The following FHL2 variants were observed in gnomAD, a reference collection of about 807,000 sequenced individuals.
FHL2 encodes the protein four and a half LIM domains protein 2.
FHL2 carries 20 observed loss-of-function variants against 32.7 expected under a neutral mutation model. The ratio of observed to expected loss-of-function variants is 0.61; its 90% CI spans 0.43 to 0.89. The LOEUF (loss-of-function observed/expected upper bound fraction) is 0.89. Among genes scored for constraint, FHL2 ranks in the 40% least tolerant of loss-of-function variants. The probability of loss-of-function intolerance (pLI) is 0.00; values close to 1 mark genes in which losing one functional copy is unlikely to be tolerated. For synonymous variants in FHL2, 123 were observed against 128.1 expected (o/e 0.96, Z 0.27); for missense variants, 311 against 358.6 (o/e 0.87, Z 1.07).
upstream of FHL2, among the ~76,000 whole-genome samples, chr2:105,403,239 A>G (rs75828249): frequency 0.01 from 1,583 of 152,332 alleles, 27 homozygotes; most frequent in African/African-American, 0.036. Context: ...CCACCAGAAG[A>G]AGAATTAAGG....
intron 1 of FHL2, among the ~76,000 whole-genome samples, chr2:105,408,837 C>T (rs1157344866): frequency 3.3e-5 from 5 of 152,150 alleles, no homozygotes; most frequent in Non-Finnish European, 7.3e-5. Flanking sequence ...GGATCTTACT[C>T]TTAGAGTCTT....
At chr2:105,412,146 C>T (rs981775720) in intron 1 of FHL2, among the ~76,000 whole-genome samples, 1 of 152,216 alleles carries the variant, frequency 6.6e-6, no homozygotes, top group Non-Finnish European at 1.5e-5. Context: ...TTCATAGCAG[C>T]ATTATTCACA....
At chr2:105,391,790 C>G (rs893187996) in intron 2 of FHL2, among the ~76,000 whole-genome samples, 4 of 152,228 alleles carry the variant, frequency 2.6e-5, no homozygotes, top group Non-Finnish European at 5.9e-5. Context: ...TCCATTTACT[C>G]TCTGTGAACT....
chr2:105,386,990 C>G (rs1682371511), intron 2 of FHL2, among the ~76,000 whole-genome samples: 1 of 152,084 alleles, frequency 6.6e-6, no homozygotes. Flanking sequence ...GTCTCAAACT[C>G]CTGACCTCGG....
intron 2 of FHL2, among the ~76,000 whole-genome samples, chr2:105,390,965 TTGTGTGTGTGTGTA>T (rs1315515341): frequency 4.6e-5 from 7 of 151,146 alleles, no homozygotes; most frequent in Admixed American, 1.3e-4. Context: ...CTCAGCTAAT[TTGTGTGTGTGTGTA>T]TGTGTGTGTG....
chr2:105,361,497 G>A, intron 6 of FHL2, 63 bp from the exon 7 acceptor site: 1 of 1,472,800 alleles, frequency 6.8e-7, no homozygotes, highest in Non-Finnish European at 9.4e-7. Context: ...TGGGACTGAA[G>A]AAGGAATTCT....
intron 5 of FHL2, among the ~76,000 whole-genome samples, chr2:105,366,629 C>CG (rs1327541669): frequency 6.6e-6 from 1 of 152,212 alleles, no homozygotes; most frequent in Non-Finnish European, 1.5e-5. Flanking sequence ...GGGTGCAGGT[C>CG]GGGGGGCAAC....
intron 1 of FHL2, among the ~76,000 whole-genome samples, chr2:105,405,098 T>G (rs955823263): frequency 6.6e-6 from 1 of 152,234 alleles, no homozygotes; most frequent in Non-Finnish European, 1.5e-5. Context: ...TGGTTTCAGA[T>G]GAAAAGTATT....
chr2:105,422,720 C>T (rs921598827), intron 1 of FHL2, among the ~76,000 whole-genome samples: 3 of 150,276 alleles, frequency 2.0e-5, no homozygotes, highest in Non-Finnish European at 2.9e-5. Flanking sequence ...AATACTGCCA[C>T]GAGATTGCAT....
chr2:105,379,109 T>C (rs1258370714), intron 3 of FHL2, among the ~76,000 whole-genome samples: 1 of 152,200 alleles, frequency 6.6e-6, no homozygotes, highest in African/African-American at 2.4e-5. Flanking sequence ...AATGCCAGAT[T>C]GACTAAACTT....
At chr2:105,358,349 AGCCGCTG>A (rs1680094332), downstream of FHL2, 2 of 152,344 alleles carry the variant, frequency 1.3e-5, no homozygotes, top group Admixed American at 1.3e-4. Flanking sequence ...GTGGGTTGAT[AGCCGCTG>A]GTCTTCTCAG....
At chr2:105,371,546 A>AGCTCTCTCTC (rs142234623) in intron 4 of FHL2, among the ~76,000 whole-genome samples, 1 of 140,970 alleles carries the variant, frequency 7.1e-6, no homozygotes, top group Non-Finnish European at 1.5e-5. Context: ...ATCCCTTGAA[A>AGCTCTCTCTC]TCTCTCTCTC....
At chr2:105,359,333 AC>A (rs1486371262), downstream of FHL2, 1 of 152,238 alleles carries the variant, frequency 6.6e-6, no homozygotes, top group East Asian at 1.9e-4. Flanking sequence ...CAGCAAAACA[AC>A]TAACAAAGGA....
chr2:105,418,448 A>G (rs1456088105), intron 1 of FHL2, among the ~76,000 whole-genome samples: 1 of 151,882 alleles, frequency 6.6e-6, no homozygotes, highest in African/African-American at 2.4e-5. Context: ...AAAACAAAAA[A>G]CCCATTTTAA....
At chr2:105,411,034 T>TTG (rs1448270531) in intron 1 of FHL2, among the ~76,000 whole-genome samples, 1 of 152,160 alleles carries the variant, frequency 6.6e-6, no homozygotes, top group Non-Finnish European at 1.5e-5. Flanking sequence ...ACAGCTTGCT[T>TTG]ATTGAATCTT....
At chr2:105,362,917 G>T (rs62152061) in intron 6 of FHL2, 7,995 of 200,106 alleles carry the variant, frequency 0.04, 217 homozygotes, top group Middle Eastern at 0.08. Context: ...CCACTAAGAT[G>T]CTAGGGGACA....
chr2:105,422,150 C>G (rs1684124011), intron 1 of FHL2, among the ~76,000 whole-genome samples: 1 of 152,174 alleles, frequency 6.6e-6, no homozygotes. Flanking sequence ...AAGGAAAAGC[C>G]ATAGTAAGAA....
chr2:105,423,095 A>T (rs1360973883), intron 1 of FHL2, among the ~76,000 whole-genome samples: 1 of 152,154 alleles, frequency 6.6e-6, no homozygotes, highest in Non-Finnish European at 1.5e-5. Flanking sequence ...TCCCTGGGGC[A>T]GCTCTTCCAT....
chr2:105,372,346 C>T (rs1681139907), intron 4 of FHL2, among the ~76,000 whole-genome samples: 1 of 152,014 alleles, frequency 6.6e-6, no homozygotes, highest in African/African-American at 2.4e-5. Context: ...CTGCCTCAGC[C>T]TCCCGAGTAG....
Sources: allele counts gnomAD v4.1 joint callset (sites outside exome capture counted in the v4.1 genomes callset), GRCh38; gene constraint gnomAD v4.1.1; transcripts MANE v1.5; gene names NCBI Gene and HGNC (gene_info 2026-07-23, HGNC 2026-07-21).